Variants in GCNT4 observed in about 807,000 individuals in gnomAD.
GCNT4 encodes glucosaminyl (N-acetyl) transferase 4.
Under a neutral mutation model 31.3 loss-of-function variants are expected in GCNT4, and 17 were observed. The observed-to-expected ratio is 0.54, with a 90% confidence interval of 0.37 to 0.81. The LOEUF is 0.81. Among genes scored for constraint, GCNT4 ranks in the 40% least tolerant of loss-of-function variants. The probability of loss-of-function intolerance (pLI) is 0.00; values close to 1 mark genes in which losing one functional copy is unlikely to be tolerated. For missense variants in GCNT4, 503 were observed against 525.5 expected, an observed-to-expected ratio of 0.96 and a Z score of 0.42; for synonymous variants, 158 against 190.6, an observed-to-expected ratio of 0.83 and a Z score of 1.41.
chr5:75,036,050 A>AGTGCACAGTC (rs532500604), intron 3 of GCNT4, among the ~76,000 whole-genome samples: 3 of 152,194 alleles, frequency 2.0e-5, no homozygotes, highest in Non-Finnish European at 4.4e-5. Context: ...ATGCACACTC[A>AGTGCACAGTC]AGTCCCACAG....
chr5:75,026,071 T>C lies in GCNT4; in HGVS notation c.*2605A>G, dbSNP rs1308920487. On this transcript the variant is annotated 3_prime_UTR_variant, in exon 4 of 4. Coordinates refer to ENST00000652361, the MANE Select transcript of GCNT4 (RefSeq NM_001366737.1). ...GTGTGATCTGACAAGCTCCCTGATA[T>C]GTTAACAGACTGAGTCCAGAGAAAT... 4.6e-5 allele frequency: 7 copies of C among 152,194 alleles called. No homozygotes were observed. The highest frequency in any genetic ancestry group is 7.3e-5 in the Non-Finnish European group (5 of 68,034). The allele number at this position is 152,194 out of a possible 1,614,324, so 9.4% of individuals were successfully genotyped here.
chr5:75,028,163 TTCC>T lies in GCNT4; in HGVS notation c.*510_*512del, dbSNP rs1488796098. ...GAGATTTTTCTGAGGTAGTGAGTCTTTCCTCCTCTGCTCTGATGGTTAAGAAAT... is the reference window on the plus strand; with the variant it reads ...GAGATTTTTCTGAGGTAGTGAGTCTTTCCTCTGCTCTGATGGTTAAGAAAT... On this transcript the variant is annotated 3_prime_UTR_variant, in exon 4 of 4. Transcript: ENST00000652361. 1 of 153,138 alleles carries T rather than the reference TTCC, an allele frequency of 6.5e-6. No homozygotes were observed. Among genetic ancestry groups the T allele is most frequent in the South Asian group, 2.1e-4 (1 of 4,846 alleles). 9.5% of individuals were successfully genotyped at this position (153,138 alleles called of 1,614,324 possible).
chr5:75,033,968 A>AGAAT (rs2149958642), intron 3 of GCNT4, among the ~76,000 whole-genome samples: 1 of 152,186 alleles, frequency 6.6e-6, no homozygotes, highest in East Asian at 1.9e-4. Context: ...TAGTTTGCTG[A>AGAAT]GAATGATGGC....
At chr5:75,040,648 G>GA (rs1166739661) in intron 3 of GCNT4, among the ~76,000 whole-genome samples, 2 of 152,170 alleles carry the variant, frequency 1.3e-5, no homozygotes, top group Non-Finnish European at 2.9e-5. Context: ...AAGTCATGGG[G>GA]AAAAAGACAA....
intron 3 of GCNT4, among the ~76,000 whole-genome samples, chr5:75,042,154 T>C (rs1369225113): frequency 6.6e-6 from 1 of 152,212 alleles, no homozygotes; most frequent in Non-Finnish European, 1.5e-5. Context: ...CTTCTTGGGA[T>C]CCCCGTCTTC....
intron 2 of GCNT4, among the ~76,000 whole-genome samples, chr5:75,050,869 C>T (rs557791175): frequency 6.6e-6 from 1 of 152,306 alleles, no homozygotes; most frequent in East Asian, 1.9e-4. Flanking sequence ...CTGACCCAGC[C>T]CTGTCTACTT....
At position 75,026,999 on chromosome 5, in the gene GCNT4, T is replaced by G. The variant is rs1742959305; in HGVS notation, c.*1677A>C. 1 of 151,990 alleles carries G rather than the reference T, an allele frequency of 6.6e-6. No homozygotes were observed. Among genetic ancestry groups the G allele is most frequent in the South Asian group, 2.1e-4 (1 of 4,834 alleles). 9.4% of individuals were successfully genotyped at this position (151,990 alleles called of 1,614,324 possible). A position where few individuals can be genotyped will look rare whatever the true frequency, so the allele number is the denominator to read the frequency against. On this transcript the variant is annotated 3_prime_UTR_variant, in exon 4 of 4. Coordinates refer to ENST00000652361, the MANE Select transcript of GCNT4 (RefSeq NM_001366737.1). ...AAATGAGCAAAGTGCATTTCACATTTAGAACACAGACATTTAAAAAATATG... is the reference window on the plus strand; with the variant it reads ...AAATGAGCAAAGTGCATTTCACATTGAGAACACAGACATTTAAAAAATATG...
intron 2 of GCNT4, among the ~76,000 whole-genome samples, chr5:75,051,043 C>T (rs1296616516): frequency 6.6e-6 from 1 of 152,250 alleles, no homozygotes; most frequent in Non-Finnish European, 1.5e-5. Flanking sequence ...CTCCCCGGTG[C>T]CATTCTCCAT....
intron 3 of GCNT4, among the ~76,000 whole-genome samples, chr5:75,045,500 A>G (rs1390286707): frequency 6.6e-6 from 1 of 152,226 alleles, no homozygotes; most frequent in Non-Finnish European, 1.5e-5. Context: ...CATTGTATGT[A>G]TACATTACAT....
At chr5:75,032,748 G>C (rs1420041495) in intron 3 of GCNT4, among the ~76,000 whole-genome samples, 1 of 152,122 alleles carries the variant, frequency 6.6e-6, no homozygotes, top group Non-Finnish European at 1.5e-5. Context: ...TTCTAAAGCT[G>C]TGGAAAACTG....
downstream of GCNT4, among the ~76,000 whole-genome samples, chr5:75,024,950 C>CAAAAA (rs1239662355): frequency 3.2e-4 from 13 of 40,472 alleles, no homozygotes; most frequent in East Asian, 9.5e-4. Context: ...GACTCCATCT[C>CAAAAA]AAAAAAAAAA....
At chr5:75,047,803 G>A (rs1190281798) in intron 3 of GCNT4, 94 bp downstream of exon 3, 2 of 152,058 alleles carry the variant, frequency 1.3e-5, no homozygotes, top group Admixed American at 1.3e-4. Context: ...GGTAGGTAAA[G>A]CAGAGAGAAA....
At chr5:75,034,866 A>G (rs1743160567) in intron 3 of GCNT4, among the ~76,000 whole-genome samples, 1 of 152,264 alleles carries the variant, frequency 6.6e-6, no homozygotes, top group Non-Finnish European at 1.5e-5. Flanking sequence ...GCATTGTTGG[A>G]GCCTTCAAGG....
downstream of GCNT4, among the ~76,000 whole-genome samples, chr5:75,023,437 T>C (rs569874111): frequency 1.3e-5 from 2 of 152,272 alleles, no homozygotes; most frequent in African/African-American, 4.8e-5. Flanking sequence ...GGATTATAAT[T>C]TCTCTCATGG....
At chr5:75,049,669 T>C (rs940682926) in intron 2 of GCNT4, among the ~76,000 whole-genome samples, 1 of 152,258 alleles carries the variant, frequency 6.6e-6, no homozygotes, top group African/African-American at 2.4e-5. Flanking sequence ...GTTGATGTTA[T>C]CTGCTTTGCT....
chr5:75,029,468 G>A lies in GCNT4; in HGVS notation c.570C>T (p.Ser190=). 1.2e-6 allele frequency: 2 copies of A among 1,614,064 alleles called. No individual in the cohort carries two copies. The highest frequency in any genetic ancestry group is 1.7e-5 in the Admixed American group (1 of 60,020). Residue 190 remains serine, a synonymous_variant, in exon 4 of 4, where the codon TCC becomes TCT. Coordinates refer to ENST00000652361, the MANE Select transcript of GCNT4 (RefSeq NM_001366737.1). The part of the protein sequence containing the change: ...AKCFSNIFIA[S]KLEAVEYAHI... The stretch of plus-strand genomic sequence containing the variant: ...GGGCATATTCCACAGCCTCTAATTT[G>A]GAAGCAATGAAAATATTGGAGAAGC...
the GCNT4 span, among the ~76,000 whole-genome samples, chr5:75,017,711 C>T: frequency 1.3e-5 from 2 of 152,236 alleles, no homozygotes; most frequent in East Asian, 1.9e-4. Context: ...GAGCCAGGAC[C>T]TCCACTTTCC....
intron 3 of GCNT4, among the ~76,000 whole-genome samples, chr5:75,040,386 G>A (rs1417164686): frequency 1.3e-5 from 2 of 152,100 alleles, no homozygotes; most frequent in East Asian, 3.9e-4. Context: ...AGAAACATAA[G>A]GTCTTTGAAG....
Position 75,029,826 on chromosome 5 carries a change from A to C in GCNT4, c.212T>G (p.Val71Gly). 6.2e-7 allele frequency: 1 copy of C among 1,614,106 alleles called. No homozygotes were observed. The highest frequency in any genetic ancestry group is 1.7e-4 in the Middle Eastern group (1 of 6,060). Residue 71 changes from valine (V) to glycine (G), a missense_variant, in exon 4 of 4, where the codon GTT (valine) becomes GGT (glycine). By Grantham distance (109) the Val-to-Gly change is moderately radical (BLOSUM62 -3). Transcript: ENST00000652361. ...CTGTTCATAGATACCCGAACAGTTA[A>C]CTTCATACCTGACTTCATCCTTAAC... ...THVKDEVRYE[V>G]NCSGIYEQEP...
Sources: allele counts gnomAD v4.1 joint callset (sites outside exome capture counted in the v4.1 genomes callset), GRCh38; gene constraint gnomAD v4.1.1; transcripts MANE v1.5; gene names NCBI Gene and HGNC (gene_info 2026-07-23, HGNC 2026-07-21).